The following LCLAT1 variants were observed in gnomAD, a reference collection of about 807,000 sequenced individuals.
The protein encoded by LCLAT1 is lysocardiolipin acyltransferase 1, also known as 1-AGP acyltransferase 8.
In LCLAT1, 11 loss-of-function variants were observed where a neutral mutation model predicts 30.7. That is an observed-to-expected ratio of 0.36 (90% CI 0.23 to 0.59). The LOEUF (loss-of-function observed/expected upper bound fraction) is 0.59. Among genes scored for constraint, LCLAT1 ranks in the 20% least tolerant of loss-of-function variants. LCLAT1 has a pLI of 0.77. For synonymous variants in LCLAT1, 155 were observed against 151.3 expected (o/e 1.02, Z -0.18); for missense variants, 402 against 458.6 (o/e 0.88, Z 1.13).
At chr2:30,597,590 C>CAAAG (rs1666983156) in intron 5 of LCLAT1, among the ~76,000 whole-genome samples, 1 of 152,164 alleles carries the variant, frequency 6.6e-6, no homozygotes, top group South Asian at 2.1e-4. Context: ...CATCTGCAAA[C>CAAAG]AAAGACAATT....
At chr2:30,466,646 T>C (rs941938995) in intron 1 of LCLAT1, among the ~76,000 whole-genome samples, 2 of 152,204 alleles carry the variant, frequency 1.3e-5, no homozygotes, top group Admixed American at 1.3e-4. Flanking sequence ...TTCTAAACTT[T>C]GGTGAATATC....
chr2:30,564,427 TTTCA>T (rs1441251597), intron 4 of LCLAT1, among the ~76,000 whole-genome samples: 1 of 152,096 alleles, frequency 6.6e-6, no homozygotes, highest in African/African-American at 2.4e-5. Flanking sequence ...GTAAAACTTT[TTTCA>T]TTCTGTATTT....
intron 1 of LCLAT1, among the ~76,000 whole-genome samples, chr2:30,470,540 C>A (rs2148290720): frequency 6.6e-6 from 1 of 152,274 alleles, no homozygotes; most frequent in South Asian, 2.1e-4. Context: ...TTGGCTTGGC[C>A]TATGTGCAGG....
chr2:30,517,916 C>T (rs867576672), intron 1 of LCLAT1, among the ~76,000 whole-genome samples: 1 of 152,152 alleles, frequency 6.6e-6, no homozygotes, highest in Non-Finnish European at 1.5e-5. Context: ...TCAGTGTAAA[C>T]AAGGGTGTAG....
intron 1 of LCLAT1, among the ~76,000 whole-genome samples, chr2:30,503,267 G>C (rs1474842940): frequency 1.3e-5 from 2 of 152,120 alleles, no homozygotes; most frequent in Non-Finnish European, 2.9e-5. Flanking sequence ...CATCTTGTCT[G>C]GGCCAGATCC....
intron 5 of LCLAT1, among the ~76,000 whole-genome samples, chr2:30,619,326 C>G (rs1668138321): frequency 6.6e-6 from 1 of 152,192 alleles, no homozygotes; most frequent in Non-Finnish European, 1.5e-5. Flanking sequence ...CCACATGGCT[C>G]TAACACCAAA....
At chr2:30,584,221 C>T (rs1003562179) in intron 5 of LCLAT1, among the ~76,000 whole-genome samples, 2 of 152,200 alleles carry the variant, frequency 1.3e-5, no homozygotes, top group African/African-American at 4.8e-5. Flanking sequence ...AACTGTATGT[C>T]TATTAAGATT....
intron 1 of LCLAT1, among the ~76,000 whole-genome samples, chr2:30,512,352 T>C (rs1322628091): frequency 6.6e-6 from 1 of 152,196 alleles, no homozygotes; most frequent in African/African-American, 2.4e-5. Flanking sequence ...TTGATATTGT[T>C]CTGCTGGATG....
At chr2:30,537,101 G>T (rs1686282876) in intron 3 of LCLAT1, among the ~76,000 whole-genome samples, 1 of 152,188 alleles carries the variant, frequency 6.6e-6, no homozygotes, top group African/African-American at 2.4e-5. Flanking sequence ...CTTCAAGTTG[G>T]CCGGGCGCGG....
intron 5 of LCLAT1, among the ~76,000 whole-genome samples, chr2:30,599,608 C>T (rs917773171): frequency 6.6e-6 from 1 of 152,156 alleles, no homozygotes; most frequent in African/African-American, 2.4e-5. Context: ...GTCTCTAAGA[C>T]CTTGTTTTAT....
At chr2:30,483,022 A>G (rs541288857) in intron 1 of LCLAT1, among the ~76,000 whole-genome samples, 10 of 152,216 alleles carry the variant, frequency 6.6e-5, no homozygotes, top group Non-Finnish European at 1.3e-4. Flanking sequence ...ACCCTGGTGC[A>G]GAAGAACATG....
At chr2:30,513,967 C>T (rs528782570) in intron 1 of LCLAT1, among the ~76,000 whole-genome samples, 1 of 152,328 alleles carries the variant, frequency 6.6e-6, no homozygotes, top group East Asian at 1.9e-4. Flanking sequence ...CCTCCTGAGG[C>T]TGTGTCACGG....
intron 1 of LCLAT1, among the ~76,000 whole-genome samples, chr2:30,483,487 G>GT (rs1683414309): frequency 6.6e-6 from 1 of 152,048 alleles, no homozygotes; most frequent in African/African-American, 2.4e-5. Flanking sequence ...TATCTTTAAA[G>GT]TGAGGATATA....
chr2:30,540,530 A>T (rs1367906932), intron 3 of LCLAT1, among the ~76,000 whole-genome samples: 1 of 152,232 alleles, frequency 6.6e-6, no homozygotes, highest in Non-Finnish European at 1.5e-5. Flanking sequence ...ATCAATTTAT[A>T]TGTCAAACAA....
intron 1 of LCLAT1, among the ~76,000 whole-genome samples, chr2:30,449,532 C>A (rs1273437332): frequency 6.7e-6 from 1 of 148,446 alleles, no homozygotes; most frequent in African/African-American, 2.5e-5. Context: ...GGGAGGTTCG[C>A]TCTTGTTGCC....
chr2:30,464,746 G>C (rs1193790134), intron 1 of LCLAT1, among the ~76,000 whole-genome samples: 1 of 152,198 alleles, frequency 6.6e-6, no homozygotes, highest in Non-Finnish European at 1.5e-5. Context: ...AGTGGTGTTT[G>C]TTTGCAGTGT....
chr2:30,471,418 C>T (rs1317493046), intron 1 of LCLAT1, among the ~76,000 whole-genome samples: 2 of 151,934 alleles, frequency 1.3e-5, no homozygotes, highest in Non-Finnish European at 2.9e-5. Context: ...CCATGTTGCC[C>T]AGGCTGGTCT....
At chr2:30,552,616 A>C (rs929317679) in intron 3 of LCLAT1, 4 of 422,928 alleles carry the variant, frequency 9.5e-6, no homozygotes, top group Middle Eastern at 3.4e-4. Context: ...TCATCTTAGA[A>C]GAGGGATGTG....
chr2:30,527,315 C>T (rs936461255), intron 2 of LCLAT1, among the ~76,000 whole-genome samples: 1 of 152,150 alleles, frequency 6.6e-6, no homozygotes. Context: ...AATTGTATAT[C>T]TGATTGTAAA....
Sources: gnomAD v4.1 joint callset for allele counts (sites outside exome capture counted in the v4.1 genomes callset) on GRCh38, gnomAD v4.1.1 for gene constraint, MANE v1.5 for transcripts, NCBI Gene and HGNC (gene_info 2026-07-23, HGNC 2026-07-21) for gene names.